The following LIPC variants were observed in gnomAD, a reference collection of about 807,000 sequenced individuals.
LIPC encodes the protein hepatic triacylglycerol lipase.
Under a neutral mutation model 50.7 loss-of-function variants are expected in LIPC, and 44 were observed. That is an observed-to-expected ratio of 0.87 (90% CI 0.68 to 1.11). The LOEUF (loss-of-function observed/expected upper bound fraction) is 1.11. Ranked by LOEUF, LIPC falls within the 50% of genes most tolerant of loss-of-function variation. The pLI is 0.00. For missense variants in LIPC, 697 were observed against 648.2 expected (o/e 1.08, Z -0.82); for synonymous variants, 271 against 256.4 (o/e 1.06, Z -0.54).
chr15:58,444,068 G>C (rs758800579), intron 1 of LIPC, among the ~76,000 whole-genome samples: 1 of 152,120 alleles, frequency 6.6e-6, no homozygotes, highest in Non-Finnish European at 1.5e-5. Context: ...CAGTCACAGG[G>C]GCTACGATGG....
rs141781696 is a variant in LIPC, at chr15:58,463,528, C to A, written c.88+31408C>A. Among the ~76,000 whole-genome samples, 3 of 152,350 alleles carry A rather than the reference C, an allele frequency of 2.0e-5. No homozygotes were observed. In the East Asian group the frequency reaches 5.8e-4, roughly 29 times the overall value. ...GCTCCCCTTTAAGCTACAGCACCCACCATTTTGCCCCAAACTCGTCTATCC... is the reference window on the plus strand; with the variant it reads ...GCTCCCCTTTAAGCTACAGCACCCAACATTTTGCCCCAAACTCGTCTATCC... On this transcript the variant is annotated intron_variant, in intron 1 of 8. Transcript: ENST00000299022.
chr15:58,487,110 A>G (rs1891403878), intron 1 of LIPC, among the ~76,000 whole-genome samples: 1 of 152,242 alleles, frequency 6.6e-6, no homozygotes, highest in African/African-American at 2.4e-5. Context: ...TTTATCTGGT[A>G]ATCAACTGGG....
At chr15:58,533,619 C>T (rs8037479) in intron 1 of LIPC, among the ~76,000 whole-genome samples, 149,953 of 152,304 alleles carry the variant, frequency 0.98, 73,862 homozygotes, top group Middle Eastern at 1. Context: ...TTTCCAAGTA[C>T]GTTTTGAAGA....
intron 1 of LIPC, among the ~76,000 whole-genome samples, chr15:58,453,215 C>T (rs987559201): frequency 6.6e-6 from 1 of 152,134 alleles, no homozygotes; most frequent in African/African-American, 2.4e-5. Context: ...ACAACCCCCA[C>T]GTTGCCACAC....
intron 1 of LIPC, among the ~76,000 whole-genome samples, chr15:58,537,188 C>A (rs757013521): frequency 6.6e-6 from 1 of 152,228 alleles, no homozygotes; most frequent in Non-Finnish European, 1.5e-5. Context: ...ACATGCCACG[C>A]CATGGAAACG....
intron 4 of LIPC, among the ~76,000 whole-genome samples, chr15:58,544,458 T>C (rs892133057): frequency 2.1e-5 from 3 of 139,580 alleles, no homozygotes; most frequent in Non-Finnish European, 4.6e-5. Flanking sequence ...GGCAGTGGCA[T>C]GATCTTGGCT....
At chr15:58,562,097 G>C (rs1307841844) in intron 7 of LIPC, among the ~76,000 whole-genome samples, 2 of 152,188 alleles carry the variant, frequency 1.3e-5, no homozygotes, top group Non-Finnish European at 2.9e-5. Flanking sequence ...CTTAGTGTTT[G>C]GTTCTTTTTG....
intron 1 of LIPC, among the ~76,000 whole-genome samples, chr15:58,439,798 G>T (rs1893442425): frequency 6.6e-6 from 1 of 152,186 alleles, no homozygotes; most frequent in African/African-American, 2.4e-5. Context: ...GATTCAGTGA[G>T]CCTGGGGTAG....
intron 1 of LIPC, among the ~76,000 whole-genome samples, chr15:58,519,285 C>A (rs1892579911): frequency 6.6e-6 from 1 of 151,990 alleles, no homozygotes; most frequent in African/African-American, 2.4e-5. Context: ...GTGGCAGGTG[C>A]CTGTAGTCCC....
intron 1 of LIPC, among the ~76,000 whole-genome samples, chr15:58,502,521 T>TG (rs1491070027): frequency 1.3e-5 from 2 of 151,094 alleles, no homozygotes; most frequent in African/African-American, 4.9e-5. Flanking sequence ...TTTTTTTTTT[T>TG]TGTTTGTTTT....
intron 1 of LIPC, among the ~76,000 whole-genome samples, chr15:58,484,600 G>A (rs1368811074): frequency 6.6e-6 from 1 of 152,226 alleles, no homozygotes; most frequent in Admixed American, 6.5e-5. Flanking sequence ...GGAAACTGAG[G>A]CACAGAGCAG....
chr15:58,566,908 T>C (rs1449264499), intron 8 of LIPC, among the ~76,000 whole-genome samples: 2 of 152,158 alleles, frequency 1.3e-5, no homozygotes, highest in Admixed American at 1.3e-4. Flanking sequence ...CATACACTAT[T>C]AGTGAGAGTG....
intron 2 of LIPC, among the ~76,000 whole-genome samples, chr15:58,539,940 T>G (rs1228821470): frequency 6.6e-6 from 1 of 152,194 alleles, no homozygotes; most frequent in African/African-American, 2.4e-5. Flanking sequence ...CACAGGGCAT[T>G]CAGTGTCACC....
At chr15:58,473,555 T>G (rs1364315644) in intron 1 of LIPC, 1 of 151,852 alleles carries the variant, frequency 6.6e-6, no homozygotes, top group African/African-American at 2.4e-5. Context: ...AGCAGGGAGG[T>G]AGGAGGAGAA....
At chr15:58,565,293 C>G in intron 8 of LIPC, 3 of 1,535,662 alleles carry the variant, frequency 2.0e-6, no homozygotes, top group Non-Finnish European at 2.6e-6. Context: ...AGCTCTGACC[C>G]TGCCCAGATG....
At chr15:58,456,499 G>C (rs1221162629) in intron 1 of LIPC, among the ~76,000 whole-genome samples, 1 of 152,228 alleles carries the variant, frequency 6.6e-6, no homozygotes, top group Non-Finnish European at 1.5e-5. Context: ...CATAGCTAAG[G>C]ACAGGGCACA....
rs199563675 is a variant in LIPC at position 58,563,247 on chromosome 15, T to C, written c.1170-258T>C. 3.9e-4 allele frequency among the ~76,000 whole-genome samples: 59 copies of C among 152,284 alleles called. No individual in the cohort carries two copies. In the East Asian group the frequency reaches 9.8e-3, roughly 25 times the overall value. Reference sequence around the variant, plus strand: ...TAGAGAAAGTTAACTAGATTTGTTATAGTGGGACTTCTCGGAGCCTTTTTG... The same window carrying C: ...TAGAGAAAGTTAACTAGATTTGTTACAGTGGGACTTCTCGGAGCCTTTTTG... On this transcript the variant is annotated intron_variant, in intron 7 of 8. Transcript: ENST00000299022.
chr15:58,519,861 G>A (rs1266315400), intron 1 of LIPC, among the ~76,000 whole-genome samples: 1 of 152,092 alleles, frequency 6.6e-6, no homozygotes, highest in African/African-American at 2.4e-5. Flanking sequence ...GGGGGCAGGT[G>A]GGATTTCTCT....
chr15:58,541,625 C>T, intron 2 of LIPC, 160 bp from the exon 3 acceptor site: 1 of 741,652 alleles, frequency 1.3e-6, no homozygotes, highest in South Asian at 1.5e-5. Context: ...CCAAGACAGC[C>T]CCCACAACAA....
Sources: allele counts gnomAD v4.1 joint callset (sites outside exome capture counted in the v4.1 genomes callset), GRCh38; gene constraint gnomAD v4.1.1; transcripts MANE v1.5; gene names NCBI Gene and HGNC (gene_info 2026-07-23, HGNC 2026-07-21).